WWOX: variants seen among roughly 807,000 people sequenced by gnomAD.
The protein encoded by WWOX is WW domain containing oxidoreductase, also known as WW domain-containing oxidoreductase.
A neutral mutation model predicts 46.2 loss-of-function variants in WWOX; 69 were observed. The ratio of observed to expected loss-of-function variants is 1.49; its 90% CI spans 1.23 to 1.82. WWOX has a LOEUF of 1.82. WWOX is among the 40% of genes most tolerant of loss of function. WWOX has a pLI of 0.00. For missense variants in WWOX, 919 were observed against 542.6 expected (o/e 1.69, Z -6.89); for synonymous variants, 359 against 202.6 (o/e 1.77, Z -6.56).
In WWOX at chr16:78,829,378, C is replaced by T. The variant is rs76208268; in HGVS notation, c.1057-382230C>T. On this transcript the variant is annotated intron_variant, in intron 8 of 8. Coordinates refer to ENST00000566780, the MANE Select transcript of WWOX (RefSeq NM_016373.4). ...TTCTTACTCAGACTTTTGTTTTATT[C>T]GGGCCTTCAACAGATTAGATGAGAT... Among the ~76,000 whole-genome samples, 1,420 of 152,206 alleles carry T rather than the reference C, an allele frequency of 9.3e-3. 13 individuals carry two copies. Among genetic ancestry groups the T allele is most frequent in the African/African-American group, 0.033 (1,353 of 41,524 alleles).
chr16:78,207,103 A>G (rs1279409328), intron 5 of WWOX, among the ~76,000 whole-genome samples: 2 of 152,220 alleles, frequency 1.3e-5, no homozygotes, highest in Non-Finnish European at 2.9e-5. Context: ...TACATTGTCT[A>G]CTGGTAATAC....
chr16:78,357,180 A>C (rs1390649671), intron 5 of WWOX, among the ~76,000 whole-genome samples: 1 of 152,164 alleles, frequency 6.6e-6, no homozygotes, highest in African/African-American at 2.4e-5. Context: ...GATGTTTGAG[A>C]GTACTCCTTA....
At chr16:78,922,733 C>T (rs996659628) in intron 8 of WWOX, among the ~76,000 whole-genome samples, 7 of 152,016 alleles carry the variant, frequency 4.6e-5, no homozygotes, top group Non-Finnish European at 1.0e-4. Context: ...TTCCAACTTT[C>T]CCATTTACAG....
intron 6 of WWOX, among the ~76,000 whole-genome samples, chr16:78,391,321 C>T (rs1188771208): frequency 6.6e-6 from 1 of 152,192 alleles, no homozygotes; most frequent in Non-Finnish European, 1.5e-5. Context: ...TACATGTATT[C>T]TGTCTGTAGT....
At chr16:78,416,136 C>G (rs76795622) in intron 6 of WWOX, among the ~76,000 whole-genome samples, 5,174 of 152,288 alleles carry the variant, frequency 0.034, 298 homozygotes, top group African/African-American at 0.12. Context: ...CCTTAAAATG[C>G]TGACTAGTAA....
At chr16:78,972,380 G>A (rs959576763) in intron 8 of WWOX, among the ~76,000 whole-genome samples, 21 of 151,778 alleles carry the variant, frequency 1.4e-4, no homozygotes, top group African/African-American at 4.8e-4. Context: ...TTCAAAGCAG[G>A]ATCTTAATCA....
At chr16:78,761,487 C>A (rs1169156575) in intron 8 of WWOX, among the ~76,000 whole-genome samples, 1 of 152,158 alleles carries the variant, frequency 6.6e-6, no homozygotes, top group African/African-American at 2.4e-5. Flanking sequence ...TGGCTGAAAT[C>A]TGTAGTGGTT....
At chr16:79,070,830 A>G (rs1385962880) in intron 8 of WWOX, among the ~76,000 whole-genome samples, 1 of 152,202 alleles carries the variant, frequency 6.6e-6, no homozygotes, top group African/African-American at 2.4e-5. Flanking sequence ...TAGTGATTCT[A>G]TATTGGTGAG....
chr16:78,320,768 C>T (rs898146748), intron 5 of WWOX, among the ~76,000 whole-genome samples: 1 of 152,106 alleles, frequency 6.6e-6, no homozygotes, highest in Admixed American at 6.6e-5. Flanking sequence ...GATGGTATAC[C>T]TTGCCTAACA....
intron 8 of WWOX, chr16:79,203,636 C>T (rs972797941): frequency 5.9e-5 from 9 of 151,948 alleles, no homozygotes; most frequent in Non-Finnish European, 1.2e-4. Flanking sequence ...TCCCTGCTCA[C>T]AAAACAGCCA....
At chr16:78,528,136 C>G (rs1597215861) in intron 8 of WWOX, among the ~76,000 whole-genome samples, 2 of 140,002 alleles carry the variant, frequency 1.4e-5, no homozygotes, top group South Asian at 2.3e-4. Flanking sequence ...GTAGCTGGGA[C>G]TACAGGTGCC....
intron 4 of WWOX, among the ~76,000 whole-genome samples, chr16:78,134,445 C>T (rs554908913): frequency 6.6e-6 from 1 of 152,022 alleles, no homozygotes; most frequent in Non-Finnish European, 1.5e-5. Flanking sequence ...TCTTAGTTGC[C>T]TTTAGCCTTT....
At chr16:79,076,628 T>C (rs2150574529) in intron 8 of WWOX, among the ~76,000 whole-genome samples, 1 of 152,310 alleles carries the variant, frequency 6.6e-6, no homozygotes, top group South Asian at 2.1e-4. Flanking sequence ...TATCTGTACC[T>C]ACCACAGCTA....
intron 8 of WWOX, among the ~76,000 whole-genome samples, chr16:79,066,114 T>C (rs1230976654): frequency 6.6e-6 from 1 of 152,198 alleles, no homozygotes; most frequent in Non-Finnish European, 1.5e-5. Context: ...CTTTTTCTTT[T>C]TGTGCACTGC....
intron 8 of WWOX, among the ~76,000 whole-genome samples, chr16:79,013,985 TCTC>T (rs1159189317): frequency 3.3e-5 from 5 of 152,158 alleles, no homozygotes; most frequent in East Asian, 1.9e-4. Flanking sequence ...GATTTTTTGC[TCTC>T]CTCCTTTTGT....
chr16:78,792,635 T>G (rs2050635399), intron 8 of WWOX, among the ~76,000 whole-genome samples: 1 of 152,168 alleles, frequency 6.6e-6, no homozygotes, highest in African/African-American at 2.4e-5. Flanking sequence ...AGAATTATAA[T>G]TATTTTAGTA....
At chr16:78,670,841 A>T (rs4505339) in intron 8 of WWOX, among the ~76,000 whole-genome samples, 24,514 of 151,882 alleles carry the variant, frequency 0.16, 2,549 homozygotes, top group African/African-American at 0.29. Context: ...ATGTAACTGA[A>T]ATAAAGATAG....
At chr16:78,785,756 A>G (rs1291512068) in intron 8 of WWOX, among the ~76,000 whole-genome samples, 1 of 152,256 alleles carries the variant, frequency 6.6e-6, no homozygotes, top group Non-Finnish European at 1.5e-5. Flanking sequence ...AAACAAAATA[A>G]GACATATGTC....
chr16:78,561,514 G>C (rs991440158), intron 8 of WWOX, among the ~76,000 whole-genome samples: 17 of 152,082 alleles, frequency 1.1e-4, no homozygotes, highest in African/African-American at 4.1e-4. Context: ...GTAACTGGAA[G>C]AATGCATGCG....
Sources: allele counts gnomAD v4.1 joint callset (sites outside exome capture counted in the v4.1 genomes callset), GRCh38; gene constraint gnomAD v4.1.1; transcripts MANE v1.5; gene names NCBI Gene and HGNC (gene_info 2026-07-23, HGNC 2026-07-21).